Variants in DPYD observed in about 807,000 individuals in gnomAD.
The protein encoded by DPYD is dihydropyrimidine dehydrogenase [NADP(+)].
Under a neutral mutation model 116.2 loss-of-function variants are expected in DPYD, and 109 were observed. That is an observed-to-expected ratio of 0.94 (90% CI 0.80 to 1.10). The LOEUF is 1.10. DPYD is among the 50% of genes least tolerant of loss of function. DPYD has a pLI of 0.00. For synonymous variants in DPYD, 440 were observed against 432.0 expected (o/e 1.02, Z -0.23); for missense variants, 1,302 against 1,254.5 (o/e 1.04, Z -0.57).
intron 14 of DPYD, among the ~76,000 whole-genome samples, chr1:97,413,533 G>A (rs1425111931): frequency 2.6e-5 from 4 of 151,944 alleles, no homozygotes; most frequent in Admixed American, 1.3e-4. Context: ...GCTTGATCTC[G>A]GCTCACTGCA....
At chr1:97,757,675 T>G (rs898546060) in intron 3 of DPYD, among the ~76,000 whole-genome samples, 1 of 152,168 alleles carries the variant, frequency 6.6e-6, no homozygotes, top group Non-Finnish European at 1.5e-5. Flanking sequence ...TTGTTAAGAC[T>G]TTCCCCTTTT....
intron 13 of DPYD, among the ~76,000 whole-genome samples, chr1:97,510,495 G>A (rs1376328915): frequency 6.6e-6 from 1 of 151,914 alleles, no homozygotes; most frequent in Admixed American, 6.6e-5. Flanking sequence ...TGGACTTGAT[G>A]AAGATCATAA....
chr1:97,413,969 G>A (rs1674151553), intron 14 of DPYD, among the ~76,000 whole-genome samples: 3 of 151,848 alleles, frequency 2.0e-5, no homozygotes, highest in African/African-American at 7.3e-5. Context: ...ACATACATAT[G>A]TATACATAGA....
intron 4 of DPYD, among the ~76,000 whole-genome samples, chr1:97,722,152 G>GA (rs1211865613): frequency 2.6e-5 from 4 of 151,468 alleles, no homozygotes; most frequent in Non-Finnish European, 5.9e-5. Flanking sequence ...ATTATTTTCT[G>GA]AAAAAAGAAT....
chr1:97,242,480 T>C (rs1235048194), intron 18 of DPYD, among the ~76,000 whole-genome samples: 1 of 151,564 alleles, frequency 6.6e-6, no homozygotes, highest in Non-Finnish European at 1.5e-5. Context: ...TATGTGTGCA[T>C]GTAAATGCAT....
At chr1:97,603,171 AT>A (rs572817197) in intron 8 of DPYD, among the ~76,000 whole-genome samples, 1 of 152,052 alleles carries the variant, frequency 6.6e-6, no homozygotes, top group Non-Finnish European at 1.5e-5. Flanking sequence ...TCAGGCAAAG[AT>A]TTTTTTTCTT....
At chr1:97,540,374 AAACAAAACAAAAC>A (rs954557558) in intron 12 of DPYD, among the ~76,000 whole-genome samples, 1 of 119,200 alleles carries the variant, frequency 8.4e-6, no homozygotes, top group Non-Finnish European at 2.0e-5. Flanking sequence ...AAACAAAACA[AAACAAAACAAAAC>A]AAAACAAAAA....
intron 13 of DPYD, among the ~76,000 whole-genome samples, chr1:97,477,058 T>C (rs1678007559): frequency 6.6e-6 from 1 of 152,168 alleles, no homozygotes; most frequent in Admixed American, 6.6e-5. Flanking sequence ...AGGATGGTGG[T>C]TGCTGAAGGT....
At chr1:97,317,719 C>G (rs1383237479) in intron 16 of DPYD, among the ~76,000 whole-genome samples, 1 of 151,868 alleles carries the variant, frequency 6.6e-6, no homozygotes, top group African/African-American at 2.4e-5. Context: ...TGTGGGGCAC[C>G]ATTCTGCCCT....
At chr1:97,178,293 G>T (rs1383393330) in intron 20 of DPYD, among the ~76,000 whole-genome samples, 1 of 152,104 alleles carries the variant, frequency 6.6e-6, no homozygotes, top group Admixed American at 6.6e-5. Flanking sequence ...CAAAAAATGA[G>T]TGTATTAGTC....
chr1:97,777,095 A>G (rs935339758), intron 3 of DPYD, among the ~76,000 whole-genome samples: 1 of 152,182 alleles, frequency 6.6e-6, no homozygotes, highest in Non-Finnish European at 1.5e-5. Context: ...TAACTGCAAC[A>G]ATTATTTATC....
At chr1:97,525,215 G>C (rs1268257876) in intron 12 of DPYD, among the ~76,000 whole-genome samples, 1 of 152,132 alleles carries the variant, frequency 6.6e-6, no homozygotes, top group Admixed American at 6.5e-5. Context: ...AATCACAGTA[G>C]GCTGATGATT....
At chr1:97,915,490 T>C (rs1353499684) in intron 1 of DPYD, among the ~76,000 whole-genome samples, 1 of 152,134 alleles carries the variant, frequency 6.6e-6, no homozygotes, top group Non-Finnish European at 1.5e-5. Context: ...GACATAATCC[T>C]ATTAAGAGTT....
intron 20 of DPYD, among the ~76,000 whole-genome samples, chr1:97,188,596 C>T (rs1024651291): frequency 1.3e-5 from 2 of 152,028 alleles, no homozygotes; most frequent in Non-Finnish European, 2.9e-5. Flanking sequence ...TTGTAGGAAC[C>T]ATGGGCTGTA....
chr1:97,209,577 T>C (rs1255750645), intron 19 of DPYD, among the ~76,000 whole-genome samples: 3 of 152,160 alleles, frequency 2.0e-5, no homozygotes, highest in Admixed American at 6.6e-5. Context: ...GTCATTGTTT[T>C]TAGGCTCAAT....
chr1:97,749,097 C>T (rs760103528), intron 3 of DPYD, among the ~76,000 whole-genome samples: 41 of 152,176 alleles, frequency 2.7e-4, no homozygotes, highest in Non-Finnish European at 4.4e-4. Flanking sequence ...TCTGTACAGC[C>T]TATCTCCCTT....
chr1:97,126,476 C>T (rs923584912), intron 20 of DPYD, among the ~76,000 whole-genome samples: 2 of 152,092 alleles, frequency 1.3e-5, no homozygotes, highest in African/African-American at 4.8e-5. Flanking sequence ...TCATGCCCCT[C>T]AGTCTATGCA....
chr1:97,305,726 A>G (rs1042629503), intron 17 of DPYD, among the ~76,000 whole-genome samples: 3 of 152,092 alleles, frequency 2.0e-5, no homozygotes, highest in African/African-American at 4.8e-5. Flanking sequence ...TTCAACAGAT[A>G]TTTATTGAGC....
chr1:97,173,101 T>C (rs1656855798), intron 20 of DPYD, among the ~76,000 whole-genome samples: 1 of 151,954 alleles, frequency 6.6e-6, no homozygotes, highest in Non-Finnish European at 1.5e-5. Flanking sequence ...AATAAATATC[T>C]AAACCTCTTT....
Sources: allele counts gnomAD v4.1 joint callset (sites outside exome capture counted in the v4.1 genomes callset), GRCh38; gene constraint gnomAD v4.1.1; transcripts MANE v1.5; gene names NCBI Gene and HGNC (gene_info 2026-07-23, HGNC 2026-07-21).